The following BSN variants were observed in gnomAD, a reference collection of about 807,000 sequenced individuals.
BSN encodes the protein bassoon presynaptic cytomatrix protein.
BSN carries 57 observed loss-of-function variants against 264.8 expected under a neutral mutation model. The ratio of observed to expected loss-of-function variants is 0.22; its 90% CI spans 0.17 to 0.27. BSN has a LOEUF of 0.27. Ranked by LOEUF, BSN falls within the 10% of genes least tolerant of loss-of-function variation. BSN has a pLI of 1.00. For missense variants in BSN, 4,615 were observed against 5,232.5 expected, an observed-to-expected ratio of 0.88 and a Z score of 3.64; for synonymous variants, 2,059 against 2,137.3, an observed-to-expected ratio of 0.96 and a Z score of 1.01.
At chr3:49,556,240 T>A (rs932623941) in intron 1 of BSN, among the ~76,000 whole-genome samples, 2 of 152,208 alleles carry the variant, frequency 1.3e-5, no homozygotes, top group African/African-American at 4.8e-5. Flanking sequence ...GAGTTCCCTG[T>A]ATGGGGAATT....
intron 1 of BSN, among the ~76,000 whole-genome samples, chr3:49,599,251 C>G (rs566661754): frequency 7.9e-5 from 12 of 152,180 alleles, no homozygotes; most frequent in Admixed American, 3.9e-4. Context: ...ACATCCTGCT[C>G]TGATTGCTCA....
chr3:49,651,008 G>T lies in BSN; in HGVS notation c.1915G>T (p.Val639Leu). Residue 639 changes from valine (V) to leucine (L), a missense_variant, in exon 4 of 12, where the codon GTG becomes TTG. By Grantham distance (32) the Val-to-Leu change is conservative. Around this residue, in one of 3 missense-constraint regions of BSN, gnomAD observed 1,197 missense variants for 1,348.0 expected, o/e 0.89. Transcript: ENST00000296452. This position sits in a 1 kb window ranked among gnomAD's most constrained non-coding sequence, Gnocchi z 5.4. ...TPATPKVKSG[V>L]RRAEPATPVV... is the part of the protein sequence containing the mutation. The stretch of plus-strand genomic sequence containing the variant: ...TGCGACTCCTAAAGTAAAGAGTGGG[G>T]TGAGGAGGGCTGAACCTGCCACCCC... 1 of 1,614,038 alleles carries T rather than the reference G, an allele frequency of 6.2e-7. No homozygotes were observed. The highest frequency in any genetic ancestry group is 1.1e-5 in the South Asian group (1 of 91,076).
At chr3:49,577,102 T>C (rs2051850333) in intron 1 of BSN, among the ~76,000 whole-genome samples, 1 of 152,068 alleles carries the variant, frequency 6.6e-6, no homozygotes, top group East Asian at 1.9e-4. Flanking sequence ...AAATATGTAT[T>C]GAGCACCTGT....
Position 49,661,113 on chromosome 3 carries a change from C to A in BSN, c.9268C>A (p.Pro3090Thr), listed in dbSNP as rs1031120587. The A allele has an allele frequency of 1.2e-6, 2 of 1,612,616 alleles. No homozygotes were observed. The highest frequency in any genetic ancestry group is 1.7e-6 in the Non-Finnish European group (2 of 1,179,846). Residue 3090 changes from proline to threonine, a missense_variant, in exon 6 of 12, where the codon CCA (proline) becomes ACA (threonine). Physicochemically the swap from Pro to Thr is conservative, Grantham distance 38 (BLOSUM62 -1). Around this residue, in one of 3 missense-constraint regions of BSN, gnomAD observed 3,415 missense variants for 3,866.4 expected, o/e 0.88. Transcript: ENST00000296452. ...CACCTACCCTGGCCCCAGCACGTAC[C>A]CAGCTCCTGCCTTTCCTCCTGGTGC... Reference protein sequence around the residue: ...APTYPGPSTYPAPAFPPGASY... With the variant: ...APTYPGPSTYTAPAFPPGASY...
intron 3 of BSN, among the ~76,000 whole-genome samples, chr3:49,649,058 G>C (rs891791151): frequency 6.6e-6 from 1 of 152,236 alleles, no homozygotes; most frequent in Non-Finnish European, 1.5e-5. Context: ...GAGCAGAGAA[G>C]TGGAGTGTAG....
At chr3:49,650,557 G>A in intron 3 of BSN, 55 bp from the exon 4 acceptor site, 11 of 1,440,508 alleles carry the variant, frequency 7.6e-6, no homozygotes, top group Non-Finnish European at 1.0e-5. Context: ...AATATTATTT[G>A]AGGACTTCAG....
Position 49,661,714 on chromosome 3 carries a change from A to G in BSN, c.9869A>G (p.Glu3290Gly), listed in dbSNP as rs1199192689. 1.9e-6 allele frequency: 3 copies of G among 1,613,536 alleles called. No homozygotes were observed. The highest frequency in any genetic ancestry group is 2.5e-6 in the Non-Finnish European group (3 of 1,180,048). ...TGCTGCTATGCCAGAGGAGAAGAGG[A>G]ATCTGAGGAGGACTCATACGATCCC... ...LPCCYARGEEESEEDSYDPRG... is the reference protein window; with the variant it reads ...LPCCYARGEEGSEEDSYDPRG... The change falls in exon 6 of 12, where the codon GAA (glutamate) becomes GGA (glycine). Residue 3290 changes from glutamate (E) to glycine (G), a missense_variant. Transcript: ENST00000296452.
Position 49,652,394 on chromosome 3 carries a change from G to A in BSN, c.2838G>A (p.Leu946=), listed in dbSNP as rs765110418. 1.2e-6 allele frequency: 2 copies of A among 1,608,984 alleles called. No individual in the cohort carries two copies. The highest frequency in any genetic ancestry group is 1.7e-6 in the Non-Finnish European group (2 of 1,177,558). ...GCACGGGAAGTTATGGTCATGAGTT[G>A]GACCTGGGCCAAGGCCCAGACCCCA... ...LNSTGSYGHE[L]DLGQGPDPSL... is the part of the protein sequence containing the mutation. Residue 946 remains leucine (L), a synonymous_variant, in exon 5 of 12, where the codon TTG becomes TTA. Coordinates refer to ENST00000296452, the MANE Select transcript of BSN (RefSeq NM_003458.4).
Position 49,661,266 on chromosome 3 carries a change from C to T in BSN, c.9421C>T (p.Pro3141Ser). The part of the protein sequence containing the change: ...LFPVPADSRA[P>S]LQKPRQTSLA... ...TCCAGTCCCCGCTGATAGCCGTGCCCCACTGCAGAAGCCACGCCAGACATC... is the reference window on the plus strand; with the variant it reads ...TCCAGTCCCCGCTGATAGCCGTGCCTCACTGCAGAAGCCACGCCAGACATC... The change falls in exon 6 of 12, where the codon CCA becomes TCA. Residue 3141 changes from proline to serine, a missense_variant. Around this residue, in one of 3 missense-constraint regions of BSN, gnomAD observed 3,415 missense variants for 3,866.4 expected, o/e 0.88. Coordinates refer to ENST00000296452, the MANE Select transcript of BSN (RefSeq NM_003458.4). 6.2e-7 allele frequency: 1 copy of T among 1,613,806 alleles called. No homozygotes were observed. Among genetic ancestry groups the T allele is most frequent in the East Asian group, 2.2e-5 (1 of 44,892 alleles).
chr3:49,614,098 C>T (rs990977655), intron 1 of BSN, among the ~76,000 whole-genome samples: 7 of 125,718 alleles, frequency 5.6e-5, no homozygotes, highest in Admixed American at 1.0e-4. Context: ...CTCGCTCTGT[C>T]GCCCAGGCCA....
chr3:49,554,511 C>T lies in BSN; in HGVS notation c.-92C>T. The stretch of plus-strand genomic sequence containing the variant: ...CGCGAGCCGAGCTGGGAGATGGCGG[C>T]GGCAGCGGCGGCGCCGAGAGTGTGA... On this transcript the variant is annotated 5_prime_UTR_variant, in exon 1 of 12. Coordinates refer to ENST00000296452, the MANE Select transcript of BSN (RefSeq NM_003458.4). 8.6e-6 allele frequency: 3 copies of T among 347,448 alleles called. No individual in the cohort carries two copies. The highest frequency in any genetic ancestry group is 1.2e-5 in the Non-Finnish European group (3 of 247,192). The allele number at this position is 347,448 out of a possible 1,614,324, so 21.5% of individuals were successfully genotyped here. A position where few individuals can be genotyped will look rare whatever the true frequency, so the allele number is the denominator to read the frequency against.
At chr3:49,659,822 G>A (rs2052638641) in intron 5 of BSN, among the ~76,000 whole-genome samples, 1 of 152,194 alleles carries the variant, frequency 6.6e-6, no homozygotes, top group East Asian at 1.9e-4. Context: ...GGGACATGGA[G>A]GGAGCTGGGG....
rs534584981 is a variant in BSN, at chr3:49,620,602, A to G, written c.225-4373A>G. ...AAAATCTCATGGGGCCTTATGGGCCATTGTAAGACTTTTGGCTTTTCCTTT... is the reference window on the plus strand; with the variant it reads ...AAAATCTCATGGGGCCTTATGGGCCGTTGTAAGACTTTTGGCTTTTCCTTT... On this transcript the variant is annotated intron_variant, in intron 1 of 11. Coordinates refer to ENST00000296452, the MANE Select transcript of BSN (RefSeq NM_003458.4). Among the ~76,000 whole-genome samples, 3 of 152,320 alleles carry G rather than the reference A, an allele frequency of 2.0e-5. No individual in the cohort carries two copies. The South Asian group carries it at 6.2e-4, about 32-fold the overall frequency.
chr3:49,650,734 A>G lies in BSN; in HGVS notation c.1641A>G (p.Ala547=), dbSNP rs751811565. The G allele has an allele frequency of 1.2e-6, 2 of 1,613,454 alleles. No homozygotes were observed. Among genetic ancestry groups the G allele is most frequent in the South Asian group, 1.1e-5 (1 of 91,078 alleles). The stretch of plus-strand genomic sequence containing the variant: ...CCCCTGTAGGGGCCCCTCACCGTGC[A>G]TCTGGAACATCCCCTCTGAAGCAGA... The part of the protein sequence containing the change: ...QQPPVGAPHR[A]SGTSPLKQKG... Residue 547 remains alanine (A), a synonymous_variant, in exon 4 of 12, where the codon GCA becomes GCG. Transcript: ENST00000296452.
intron 1 of BSN, among the ~76,000 whole-genome samples, chr3:49,589,337 A>G (rs1464544843): frequency 6.6e-6 from 1 of 151,918 alleles, no homozygotes; most frequent in African/African-American, 2.4e-5. Flanking sequence ...GAAGTATCCA[A>G]TTACTGTTGT....
Position 49,554,832 on chromosome 3 carries a change from C to A in BSN, c.224+6C>A. 8.2e-7 allele frequency: 1 copy of A among 1,218,998 alleles called. No individual in the cohort carries two copies. Among genetic ancestry groups the A allele is most frequent in the Non-Finnish European group, 1.0e-6 (1 of 979,248 alleles). The allele number at this position is 1,218,998 out of a possible 1,614,324, so 75.5% of individuals were successfully genotyped here. ...CCCGGCCCTGGCCCGGGCAGGTAAG[C>A]GCGTGTCTCGGCGCCCGGGGGGCGG... On this transcript the variant is annotated splice_donor_region_variant and intron_variant, in intron 1 of 11. Coordinates refer to ENST00000296452, the MANE Select transcript of BSN (RefSeq NM_003458.4).
intron 2 of BSN, among the ~76,000 whole-genome samples, chr3:49,626,892 A>G (rs1199500982): frequency 6.6e-6 from 1 of 152,184 alleles, no homozygotes; most frequent in Non-Finnish European, 1.5e-5. Context: ...TCACCAAACC[A>G]TGGCCCCTGC....
At chr3:49,584,328 G>A (rs2051918033) in intron 1 of BSN, among the ~76,000 whole-genome samples, 1 of 148,458 alleles carries the variant, frequency 6.7e-6, no homozygotes, top group African/African-American at 2.5e-5. Context: ...TGGTTTTATT[G>A]TCTTTCTCTA....
In BSN at chr3:49,663,226, G is replaced by T; in HGVS notation, c.11068G>T (p.Ala3690Ser). The T allele has an allele frequency of 6.2e-7, 1 of 1,614,114 alleles. No individual in the cohort carries two copies. The highest frequency in any genetic ancestry group is 8.5e-7 in the Non-Finnish European group (1 of 1,180,020). Residue 3690 changes from alanine to serine, a missense_variant, in exon 7 of 12, where the codon GCT (alanine) becomes TCT (serine). Coordinates refer to ENST00000296452, the MANE Select transcript of BSN (RefSeq NM_003458.4). ...CCACTCTCAGCCCAGCTCTGCTCCA[G>T]CTATGCCGAAGAAGGGTCAGCCTGG... ...RPHSQPSSAP[A>S]MPKKGQPGYP...
Sources: allele counts gnomAD v4.1 joint callset (sites outside exome capture counted in the v4.1 genomes callset), GRCh38; gene constraint gnomAD v4.1.1; regional missense constraint gnomAD v4.1.1; non-coding constraint Gnocchi (gnomAD v3.1); transcripts MANE v1.5; gene names NCBI Gene and HGNC (gene_info 2026-07-23, HGNC 2026-07-21).